SPAG16: variants seen among roughly 807,000 people sequenced by gnomAD.
The protein encoded by SPAG16 is sperm-associated antigen 16 protein.
Under a neutral mutation model 80.4 loss-of-function variants are expected in SPAG16, and 86 were observed. That is an observed-to-expected ratio of 1.07 (90% CI 0.90 to 1.28). The LOEUF is 1.28. SPAG16 is among the 50% of genes most tolerant of loss of function. The probability of loss-of-function intolerance (pLI) is 0.00; values close to 1 mark genes in which losing one functional copy is unlikely to be tolerated. For missense variants in SPAG16, 870 were observed against 765.3 expected, an observed-to-expected ratio of 1.14 and a Z score of -1.61; for synonymous variants, 294 against 265.9, an observed-to-expected ratio of 1.11 and a Z score of -1.03.
At chr2:214,381,914 C>T (rs545743476) in intron 15 of SPAG16, among the ~76,000 whole-genome samples, 8 of 152,334 alleles carry the variant, frequency 5.3e-5, no homozygotes, top group African/African-American at 1.9e-4. Context: ...CTCAGCTTTG[C>T]TTTGAAAACC....
intron 15 of SPAG16, among the ~76,000 whole-genome samples, chr2:214,185,356 T>G (rs1559113459): frequency 6.6e-6 from 1 of 152,086 alleles, no homozygotes; most frequent in Non-Finnish European, 1.5e-5. Flanking sequence ...GAAGCTTATT[T>G]CTTAGTTACT....
At chr2:214,008,744 CAAA>C (rs555712697) in intron 12 of SPAG16, among the ~76,000 whole-genome samples, 2 of 117,070 alleles carry the variant, frequency 1.7e-5, no homozygotes, top group Non-Finnish European at 1.9e-5. Context: ...GACTCCATCT[CAAA>C]AAAAAAAAAA....
At chr2:213,584,113 G>A (rs1384720946) in intron 10 of SPAG16, among the ~76,000 whole-genome samples, 2 of 152,164 alleles carry the variant, frequency 1.3e-5, no homozygotes, top group African/African-American at 4.8e-5. Flanking sequence ...CACTCTACTG[G>A]ATGACCCCCT....
At chr2:213,777,499 C>A (rs2069674136) in intron 10 of SPAG16, among the ~76,000 whole-genome samples, 1 of 151,922 alleles carries the variant, frequency 6.6e-6, no homozygotes, top group African/African-American at 2.4e-5. Flanking sequence ...CTCCGCCTCC[C>A]GGGTTCACGC....
intron 10 of SPAG16, among the ~76,000 whole-genome samples, chr2:213,844,448 C>G (rs1378972988): frequency 6.6e-6 from 1 of 152,114 alleles, no homozygotes; most frequent in East Asian, 1.9e-4. Context: ...TAGGGAATTT[C>G]TAACAGGTAA....
chr2:213,678,326 AGGAGCT>A (rs373304730), intron 10 of SPAG16, among the ~76,000 whole-genome samples: 7,370 of 152,212 alleles, frequency 0.048, 567 homozygotes, highest in African/African-American at 0.17. Context: ...TAACGAATCC[AGGAGCT>A]GGTTTTTTGA....
At chr2:214,022,889 A>G (rs1292945083) in intron 13 of SPAG16, among the ~76,000 whole-genome samples, 2 of 152,014 alleles carry the variant, frequency 1.3e-5, no homozygotes, top group East Asian at 3.9e-4. Context: ...AAATTATGCA[A>G]TTTTGTTTCT....
At chr2:213,508,368 C>T (rs528963630) in intron 10 of SPAG16, among the ~76,000 whole-genome samples, 115 of 152,008 alleles carry the variant, frequency 7.6e-4, no homozygotes, top group Non-Finnish European at 1.2e-3. Flanking sequence ...GTCAGGAGAT[C>T]GAGACCATCC....
At chr2:213,786,425 G>C (rs2070348426) in intron 10 of SPAG16, among the ~76,000 whole-genome samples, 1 of 152,166 alleles carries the variant, frequency 6.6e-6, no homozygotes, top group Admixed American at 6.5e-5. Context: ...ACATTATTGA[G>C]AATTAATGAA....
chr2:213,982,732 ATAAGAG>A (rs10548226), intron 12 of SPAG16, among the ~76,000 whole-genome samples: 65,726 of 150,940 alleles, frequency 0.44, 14,838 homozygotes, highest in South Asian at 0.66. Flanking sequence ...ACTTGACAAC[ATAAGAG>A]TAAAAGATAA....
rs192560370 is a variant in SPAG16, at chr2:214,276,759, A to G, written c.1720+127493A>G. Among the ~76,000 whole-genome samples the G allele has an allele frequency of 2.9e-3, 446 of 152,040 alleles. 3 individuals carry two copies. Among genetic ancestry groups the G allele is most frequent in the East Asian group, 0.01 (54 of 5,156 alleles). On this transcript the variant is annotated intron_variant, in intron 15 of 15. Transcript: ENST00000331683. ...CATTTGAACCTTGGTGAATCTGACA[A>G]TTATGTGTCTTGGGGTTGCTCTTCT...
In SPAG16 at chr2:214,192,947, G is replaced by C. The variant is rs558699977; in HGVS notation, c.1720+43681G>C. On this transcript the variant is annotated intron_variant, in intron 15 of 15. Coordinates refer to ENST00000331683, the MANE Select transcript of SPAG16 (RefSeq NM_024532.5). The stretch of plus-strand genomic sequence containing the variant: ...TTTAAGAGAAACCCAAATGGAATGA[G>C]AGAAGCAGATCAGGGAAGGGACAGA... 3.3e-5 allele frequency among the ~76,000 whole-genome samples: 5 copies of C among 152,192 alleles called. No homozygotes were observed. In the South Asian group the frequency reaches 1.0e-3, roughly 32 times the overall value.
chr2:213,347,089 C>G (rs560381184), intron 6 of SPAG16, among the ~76,000 whole-genome samples: 1 of 152,258 alleles, frequency 6.6e-6, no homozygotes, highest in South Asian at 2.1e-4. Flanking sequence ...TTCAGAGATT[C>G]AACTTCTTCC....
In SPAG16 at chr2:214,151,846, C is replaced by T. The variant is rs145701170; in HGVS notation, c.1720+2580C>T. Among the ~76,000 whole-genome samples the T allele has an allele frequency of 4.6e-5, 7 of 152,218 alleles. No homozygotes were observed. In the East Asian group the frequency reaches 1.4e-3, roughly 29 times the overall value. On this transcript the variant is annotated intron_variant, in intron 15 of 15. Transcript: ENST00000331683. ...GTAATGTCATCATAATGTTATGTAA[C>T]ACATGTGGAATTATAAATAGCATCC...
intron 10 of SPAG16, among the ~76,000 whole-genome samples, chr2:213,717,373 G>C (rs1256605491): frequency 6.6e-6 from 1 of 151,942 alleles, no homozygotes; most frequent in Non-Finnish European, 1.5e-5. Flanking sequence ...TGTTAGCCAG[G>C]ATGGTCTCGA....
Position 213,706,379 on chromosome 2 carries a change from C to T in SPAG16, c.1071-156106C>T, listed in dbSNP as rs774772957. ...TTATTTCTGTGAATATTGAATTAAA[C>T]GAGAAGGCTAAGAAATAATTGAATT... On this transcript the variant is annotated intron_variant, in intron 10 of 15. Coordinates refer to ENST00000331683, the MANE Select transcript of SPAG16 (RefSeq NM_024532.5). Among the ~76,000 whole-genome samples the T allele has an allele frequency of 9.9e-5, 15 of 152,192 alleles. 3 individuals are homozygous for T. Among genetic ancestry groups the T allele is most frequent in the Admixed American group, 6.5e-4 (10 of 15,286 alleles).
intron 10 of SPAG16, among the ~76,000 whole-genome samples, chr2:213,575,886 A>G (rs1485476555): frequency 6.6e-6 from 1 of 152,152 alleles, no homozygotes; most frequent in Non-Finnish European, 1.5e-5. Flanking sequence ...TAATAAGTAT[A>G]TGCCACAAAT....
At chr2:213,297,044 T>A (rs2062532368) in intron 2 of SPAG16, 1 of 1,375,272 alleles carries the variant, frequency 7.3e-7, no homozygotes, top group Admixed American at 2.5e-5. Context: ...GCCCACAAAC[T>A]AATCCTGAAT....
intron 5 of SPAG16, chr2:213,318,083 A>C (rs2063475018): frequency 6.6e-6 from 1 of 151,952 alleles, no homozygotes; most frequent in Non-Finnish European, 1.5e-5. Context: ...GTTATTTTTG[A>C]CTTTTTAATA....
Sources: gnomAD v4.1 joint callset for allele counts (sites outside exome capture counted in the v4.1 genomes callset) on GRCh38, gnomAD v4.1.1 for gene constraint, MANE v1.5 for transcripts, NCBI Gene and HGNC (gene_info 2026-07-23, HGNC 2026-07-21) for gene names.